The following PAK5 variants were observed in gnomAD, a reference collection of about 807,000 sequenced individuals.
PAK5 encodes p21 (RAC1) activated kinase 5, also known as serine/threonine-protein kinase PAK 5.
Under a neutral mutation model 65.9 loss-of-function variants are expected in PAK5, and 16 were observed. That is an observed-to-expected ratio of 0.24 (90% CI 0.16 to 0.37). PAK5 has a LOEUF of 0.37. PAK5 is among the 10% of genes least tolerant of loss of function. The pLI, the probability that PAK5 is intolerant of heterozygous loss-of-function variation, is 1.00. For missense variants in PAK5, 785 were observed against 903.9 expected, an observed-to-expected ratio of 0.87 and a Z score of 1.69; for synonymous variants, 371 against 354.9, an observed-to-expected ratio of 1.05 and a Z score of -0.51.
At chr20:9,629,035 C>T (rs181424290) in intron 3 of PAK5, among the ~76,000 whole-genome samples, 1 of 152,278 alleles carries the variant, frequency 6.6e-6, no homozygotes, top group Admixed American at 6.5e-5. Context: ...CAGGCTTCTT[C>T]TCCTTTCTGG....
Position 9,571,879 on chromosome 20 carries a change from G to A in PAK5, c.991-5495C>T, listed in dbSNP as rs868652569. Among the ~76,000 whole-genome samples, 36 of 144,570 alleles carry A rather than the reference G, an allele frequency of 2.5e-4. 5 individuals carry two copies. The South Asian group carries it at 8.2e-3, about 33-fold the overall frequency. The allele number at this position is 144,570 out of a possible 152,430, so 94.8% of individuals were successfully genotyped here. A position where few individuals can be genotyped will look rare whatever the true frequency, so the allele number is the denominator to read the frequency against. ...ACAGAGATAGGCATGAATGATGGGG[G>A]GGGGGGATGTGGTCTTAACAGGGGC... On this transcript the variant is annotated intron_variant, in intron 4 of 9. Transcript: ENST00000353224.
At chr20:9,656,384 C>T (rs1032941393) in intron 2 of PAK5, among the ~76,000 whole-genome samples, 1 of 152,126 alleles carries the variant, frequency 6.6e-6, no homozygotes, top group Non-Finnish European at 1.5e-5. Context: ...GACAGGAATG[C>T]ATCCCAAATG....
chr20:9,760,475 T>G (rs553242325), intron 1 of PAK5, among the ~76,000 whole-genome samples: 1 of 151,936 alleles, frequency 6.6e-6, no homozygotes, highest in African/African-American at 2.4e-5. Context: ...AGGTGTGAAG[T>G]GTCAACATTA....
At chr20:9,728,805 C>T (rs969587677) in intron 1 of PAK5, among the ~76,000 whole-genome samples, 1 of 151,614 alleles carries the variant, frequency 6.6e-6, no homozygotes, top group Non-Finnish European at 1.5e-5. Flanking sequence ...AACACAGATA[C>T]CTTCATTTGT....
chr20:9,791,341 A>G (rs1473634169), intron 1 of PAK5, among the ~76,000 whole-genome samples: 1 of 152,018 alleles, frequency 6.6e-6, no homozygotes, highest in Non-Finnish European at 1.5e-5. Flanking sequence ...CTTCTCTTCC[A>G]TTTGAAGTTG....
intron 1 of PAK5, among the ~76,000 whole-genome samples, chr20:9,739,828 C>T (rs2048432107): frequency 6.6e-6 from 1 of 152,142 alleles, no homozygotes; most frequent in Non-Finnish European, 1.5e-5. Context: ...AGCATATCTT[C>T]TCACCATGAT....
At chr20:9,754,273 T>C (rs2048608306) in intron 1 of PAK5, among the ~76,000 whole-genome samples, 2 of 152,150 alleles carry the variant, frequency 1.3e-5, no homozygotes, top group South Asian at 4.1e-4. Context: ...TTAATTCACC[T>C]TATTGCTACT....
chr20:9,699,972 A>G (rs2065153706), intron 2 of PAK5, among the ~76,000 whole-genome samples: 1 of 152,166 alleles, frequency 6.6e-6, no homozygotes, highest in Admixed American at 6.5e-5. Flanking sequence ...AGCATATCAA[A>G]CTAGTTTTTT....
chr20:9,638,922 G>A (rs1019075093), intron 3 of PAK5, among the ~76,000 whole-genome samples: 64 of 152,266 alleles, frequency 4.2e-4, no homozygotes, highest in African/African-American at 1.5e-3. Flanking sequence ...TTCCTCCGTT[G>A]ACTGTTTTTA....
chr20:9,539,533 G>A lies in PAK5; in HGVS notation c.2089C>T (p.His697Tyr). 1 of 1,613,610 alleles carries A rather than the reference G, an allele frequency of 6.2e-7. No individual in the cohort carries two copies. ...QRATAQELLG[H>Y]PFLKLAGPPS... ...GGACCTGCTAGTTTTAAGAATGGAT[G>A]TCCGAGGAGTTCCTGGGCTGTTGCT... The change falls in exon 10 of 10, where the codon CAT (histidine) becomes TAT (tyrosine). Residue 697 changes from histidine (H) to tyrosine (Y), a missense_variant. His to Tyr is a moderately conservative substitution (Grantham distance 83, BLOSUM62 2). This residue lies in a region of PAK5 where 110 missense variants were observed against 107.4 expected (regional missense o/e 1.02). Coordinates refer to ENST00000353224, the MANE Select transcript of PAK5 (RefSeq NM_177990.4).
chr20:9,780,365 T>G (rs1163695283), intron 1 of PAK5, among the ~76,000 whole-genome samples: 1 of 152,096 alleles, frequency 6.6e-6, no homozygotes, highest in Non-Finnish European at 1.5e-5. Flanking sequence ...TCTTGAGCTT[T>G]GATTTTTCAA....
At chr20:9,639,740 C>T (rs2047027223) in intron 3 of PAK5, among the ~76,000 whole-genome samples, 1 of 152,204 alleles carries the variant, frequency 6.6e-6, no homozygotes, top group Non-Finnish European at 1.5e-5. Context: ...AAGAGAAGCA[C>T]AAGGTTTAGC....
chr20:9,661,057 A>T (rs1041345652), intron 2 of PAK5, among the ~76,000 whole-genome samples: 1 of 152,146 alleles, frequency 6.6e-6, no homozygotes, highest in Non-Finnish European at 1.5e-5. Context: ...GATGATTCTG[A>T]TGTGCACTCA....
intron 1 of PAK5, among the ~76,000 whole-genome samples, chr20:9,815,502 A>G (rs1316112930): frequency 6.6e-6 from 1 of 152,094 alleles, no homozygotes; most frequent in Non-Finnish European, 1.5e-5. Context: ...TCATTGCTCC[A>G]TCCCCTAAGA....
chr20:9,809,011 G>T (rs1036329536), intron 1 of PAK5, among the ~76,000 whole-genome samples: 1 of 152,082 alleles, frequency 6.6e-6, no homozygotes, highest in Non-Finnish European at 1.5e-5. Flanking sequence ...ACACTGGGTG[G>T]TAGGTATGTC....
At chr20:9,725,958 AC>A (rs2048272806) in intron 1 of PAK5, among the ~76,000 whole-genome samples, 1 of 152,160 alleles carries the variant, frequency 6.6e-6, no homozygotes, top group African/African-American at 2.4e-5. Context: ...AATTAATTTG[AC>A]ATCCTAGAGG....
intron 4 of PAK5, among the ~76,000 whole-genome samples, chr20:9,574,593 T>C (rs2045852667): frequency 6.6e-6 from 1 of 151,046 alleles, no homozygotes; most frequent in East Asian, 1.9e-4. Context: ...ATTCATTTTG[T>C]TTTTAATTTG....
chr20:9,675,537 C>A (rs1425834080), intron 2 of PAK5, among the ~76,000 whole-genome samples: 2 of 152,030 alleles, frequency 1.3e-5, no homozygotes, highest in Non-Finnish European at 2.9e-5. Flanking sequence ...GAGATGGAGT[C>A]TCTCTCTGTT....
chr20:9,644,997 TA>T (rs1362227186), intron 2 of PAK5, among the ~76,000 whole-genome samples: 1 of 152,162 alleles, frequency 6.6e-6, no homozygotes, highest in African/African-American at 2.4e-5. Context: ...AATATATGCA[TA>T]CATGAAAAAT....
Sources: gnomAD v4.1 joint callset for allele counts (sites outside exome capture counted in the v4.1 genomes callset) on GRCh38, gnomAD v4.1.1 for gene constraint, gnomAD v4.1.1 regional missense constraint, MANE v1.5 for transcripts, NCBI Gene and HGNC (gene_info 2026-07-23, HGNC 2026-07-21) for gene names.